LARGE1: variants seen among roughly 807,000 people sequenced by gnomAD.
The protein encoded by LARGE1 is LARGE xylosyl- and glucuronyltransferase 1.
A neutral mutation model predicts 87.6 loss-of-function variants in LARGE1; 43 were observed. That is an observed-to-expected ratio of 0.49 (90% CI 0.38 to 0.63). LARGE1 has a LOEUF of 0.63. Among genes scored for constraint, LARGE1 ranks in the 30% least tolerant of loss-of-function variants. The pLI is 0.00. For synonymous variants in LARGE1, 434 were observed against 394.6 expected (o/e 1.10, Z -1.18); for missense variants, 802 against 1,000.2 (o/e 0.80, Z 2.67).
intron 4 of LARGE1, among the ~76,000 whole-genome samples, chr22:33,606,954 C>A (rs1349956282): frequency 6.6e-6 from 1 of 152,122 alleles, no homozygotes; most frequent in Non-Finnish European, 1.5e-5. Context: ...GGTTGCCTGT[C>A]TACTTGTCTA....
chr22:33,143,554 C>G, the LARGE1 span, among the ~76,000 whole-genome samples: 1 of 151,978 alleles, frequency 6.6e-6, no homozygotes, highest in Non-Finnish European at 1.5e-5. Context: ...TAAAATTAAC[C>G]CATTGCATGA....
chr22:33,795,442 G>A (rs1372390065), intron 1 of LARGE1, among the ~76,000 whole-genome samples: 1 of 152,154 alleles, frequency 6.6e-6, no homozygotes, highest in Non-Finnish European at 1.5e-5. Flanking sequence ...GGGAGAGAGA[G>A]AGACAAAGAG....
At chr22:33,188,331 T>C (rs1379971460) in intron 11 of LARGE1, among the ~76,000 whole-genome samples, 1 of 152,076 alleles carries the variant, frequency 6.6e-6, no homozygotes, top group African/African-American at 2.4e-5. Flanking sequence ...TGAGGCCCAA[T>C]CTGCTCATTT....
In LARGE1 at chr22:33,273,134, C is replaced by T. The variant is rs1602183900; in HGVS notation, c.*1293G>A. 3 of 333,426 alleles carry T rather than the reference C, an allele frequency of 9.0e-6. No individual in the cohort carries two copies. The highest frequency in any genetic ancestry group is 1.6e-5 in the Non-Finnish European group (3 of 185,466). The allele number at this position is 333,426 out of a possible 1,614,324, so 20.7% of individuals were successfully genotyped here. A position where few individuals can be genotyped will look rare whatever the true frequency, so the allele number is the denominator to read the frequency against. Reference sequence around the variant, plus strand: ...AATGCAGCTTTCGCTGGTCACATTGCAACTCAATACAAACAGCCCAGCAGA... The same window carrying T: ...AATGCAGCTTTCGCTGGTCACATTGTAACTCAATACAAACAGCCCAGCAGA... On this transcript the variant is annotated 3_prime_UTR_variant, in exon 15 of 15. Transcript: ENST00000397394.
chr22:33,277,753 C>A (rs1929626367), intron 13 of LARGE1, among the ~76,000 whole-genome samples: 1 of 152,164 alleles, frequency 6.6e-6, no homozygotes, highest in Non-Finnish European at 1.5e-5. Context: ...TTAAGCCATC[C>A]AGTTTGTAGT....
At chr22:33,421,237 TC>T (rs1281951755) in intron 7 of LARGE1, among the ~76,000 whole-genome samples, 1 of 149,530 alleles carries the variant, frequency 6.7e-6, no homozygotes, top group Non-Finnish European at 1.5e-5. Context: ...AATCAATCAA[TC>T]AATCAATAAA....
At chr22:33,176,351 A>G (rs1222621476) in intron 11 of LARGE1, among the ~76,000 whole-genome samples, 1 of 152,172 alleles carries the variant, frequency 6.6e-6, no homozygotes, top group Non-Finnish European at 1.5e-5. Flanking sequence ...AGAAACTATC[A>G]CCAGAGTGAA....
chr22:33,643,115 C>T (rs2080496224), intron 3 of LARGE1, among the ~76,000 whole-genome samples: 2 of 152,124 alleles, frequency 1.3e-5, no homozygotes, highest in South Asian at 4.1e-4. Flanking sequence ...CACCATAAAG[C>T]ACTTATTCTA....
At chr22:33,672,543 A>C (rs2081447609) in intron 2 of LARGE1, among the ~76,000 whole-genome samples, 1 of 152,148 alleles carries the variant, frequency 6.6e-6, no homozygotes. Flanking sequence ...ATGTGTTCCT[A>C]GGAGAGGACT....
chr22:33,913,287 C>T (rs1216561439), intron 1 of LARGE1, among the ~76,000 whole-genome samples: 1 of 152,126 alleles, frequency 6.6e-6, no homozygotes, highest in Non-Finnish European at 1.5e-5. Flanking sequence ...TTGATATATT[C>T]TTAGAGGTAG....
intron 6 of LARGE1, among the ~76,000 whole-genome samples, chr22:33,553,819 C>G (rs866279577): frequency 7.9e-5 from 12 of 152,224 alleles, no homozygotes; most frequent in Middle Eastern, 6.8e-3. Flanking sequence ...AGAAACATCT[C>G]ACATCTACCT....
intron 6 of LARGE1, among the ~76,000 whole-genome samples, chr22:33,511,321 T>C (rs1014052747): frequency 2.0e-5 from 3 of 152,210 alleles, no homozygotes; most frequent in African/African-American, 7.2e-5. Flanking sequence ...TTGAGTACCC[T>C]TTAAACTATT....
downstream of LARGE1, among the ~76,000 whole-genome samples, chr22:33,157,594 T>G (rs1921911288): frequency 6.6e-6 from 1 of 152,080 alleles, no homozygotes; most frequent in African/African-American, 2.4e-5. Flanking sequence ...AAACTCATTT[T>G]CCTCCTACTT....
At chr22:33,509,686 A>T (rs185486069) in intron 6 of LARGE1, among the ~76,000 whole-genome samples, 2 of 152,254 alleles carry the variant, frequency 1.3e-5, no homozygotes, top group Admixed American at 1.3e-4. Flanking sequence ...TCCTGGCCTC[A>T]AGTGATCCTC....
chr22:33,622,866 G>A (rs976295366), intron 4 of LARGE1, among the ~76,000 whole-genome samples: 6 of 152,140 alleles, frequency 3.9e-5, no homozygotes, highest in Admixed American at 2.6e-4. Context: ...TTAAAAGTAC[G>A]ACATGCCATC....
chr22:33,428,587 A>G (rs2066961881), intron 7 of LARGE1, among the ~76,000 whole-genome samples: 1 of 146,238 alleles, frequency 6.8e-6, no homozygotes, highest in Non-Finnish European at 1.5e-5. Context: ...TGCTGAGATT[A>G]CAGGCGTGAG....
chr22:33,584,906 C>T (rs1300401676), intron 5 of LARGE1, among the ~76,000 whole-genome samples: 1 of 152,100 alleles, frequency 6.6e-6, no homozygotes, highest in Non-Finnish European at 1.5e-5. Flanking sequence ...CACTTGAGGT[C>T]GGGAGTTTGA....
chr22:33,476,814 C>T (rs1325490759), intron 6 of LARGE1, among the ~76,000 whole-genome samples: 1 of 151,512 alleles, frequency 6.6e-6, no homozygotes, highest in Non-Finnish European at 1.5e-5. Flanking sequence ...GAAACTCAAA[C>T]GGCGATGTCA....
At chr22:33,639,062 C>T (rs1463952895) in intron 3 of LARGE1, among the ~76,000 whole-genome samples, 1 of 152,182 alleles carries the variant, frequency 6.6e-6, no homozygotes, top group Non-Finnish European at 1.5e-5. Flanking sequence ...GCAGATGTGA[C>T]ACTGTGTGGC....
Sources: gnomAD v4.1 joint callset for allele counts (sites outside exome capture counted in the v4.1 genomes callset) on GRCh38, gnomAD v4.1.1 for gene constraint, MANE v1.5 for transcripts, NCBI Gene and HGNC (gene_info 2026-07-23, HGNC 2026-07-21) for gene names.